ANK3: variants seen among roughly 807,000 people sequenced by gnomAD.
The protein encoded by ANK3 is ankyrin 3.
In ANK3, 57 loss-of-function variants were observed where a neutral mutation model predicts 370.9. That is an observed-to-expected ratio of 0.15 (90% CI 0.12 to 0.19). ANK3 has a LOEUF of 0.19. Ranked by LOEUF, ANK3 falls within the 10% of genes least tolerant of loss-of-function variation. The pLI, the probability that ANK3 is intolerant of heterozygous loss-of-function variation, is 1.00. For synonymous variants in ANK3, 1,929 were observed against 1,946.3 expected, an observed-to-expected ratio of 0.99 and a Z score of 0.23; for missense variants, 4,439 against 5,302.1, an observed-to-expected ratio of 0.84 and a Z score of 5.06.
chr10:60,372,983 G>A (rs2060306720), intron 1 of ANK3, among the ~76,000 whole-genome samples: 1 of 152,166 alleles, frequency 6.6e-6, no homozygotes, highest in Admixed American at 6.5e-5. Context: ...GGCATGATCA[G>A]TAGATTTTTT....
chr10:60,067,023 G>A lies in ANK3; in HGVS notation c.12319+912C>T, dbSNP rs776608951. 6.6e-5 allele frequency among the ~76,000 whole-genome samples: 10 copies of A among 152,164 alleles called. No individual in the cohort carries two copies. In the East Asian group the frequency reaches 1.4e-3, roughly 21 times the overall value. On this transcript the variant is annotated intron_variant, in intron 38 of 43. Coordinates refer to ENST00000280772, the MANE Select transcript of ANK3 (RefSeq NM_020987.5). The stretch of plus-strand genomic sequence containing the variant: ...CAGCCTCTGCCTCCCGGGTTCAAGC[G>A]ATTCTCCTGTCTCAGCCTCCCAAGT...
intron 1 of ANK3, among the ~76,000 whole-genome samples, chr10:60,325,370 G>T (rs187133031): frequency 3.9e-5 from 6 of 152,262 alleles, no homozygotes; most frequent in Non-Finnish European, 8.8e-5. Context: ...TGGCCAATGG[G>T]TGGTAGGTGG....
At chr10:60,718,512 G>A (rs1317116828) in intron 1 of ANK3, among the ~76,000 whole-genome samples, 1 of 151,704 alleles carries the variant, frequency 6.6e-6, no homozygotes, top group African/African-American at 2.4e-5. Flanking sequence ...TTAATTTTGG[G>A]CTTCAAACAT....
At chr10:60,250,345 G>A (rs1423542365) in intron 7 of ANK3, among the ~76,000 whole-genome samples, 1 of 152,176 alleles carries the variant, frequency 6.6e-6, no homozygotes, top group Admixed American at 6.5e-5. Context: ...CTTAGAAACT[G>A]TTAGAACATT....
intron 17 of ANK3, among the ~76,000 whole-genome samples, chr10:60,186,191 T>C (rs906679979): frequency 1.3e-5 from 2 of 152,118 alleles, no homozygotes; most frequent in African/African-American, 4.8e-5. Context: ...GAAGTAACAA[T>C]GGTGCTCTTT....
At chr10:60,713,831 A>G (rs2079743993) in intron 1 of ANK3, among the ~76,000 whole-genome samples, 1 of 152,152 alleles carries the variant, frequency 6.6e-6, no homozygotes, top group South Asian at 2.1e-4. Context: ...CAGAGGCTAC[A>G]GTGCAGCCTG....
chr10:60,538,325 T>C (rs963138457), intron 2 of ANK3, among the ~76,000 whole-genome samples: 3 of 151,900 alleles, frequency 2.0e-5, no homozygotes, highest in East Asian at 1.9e-4. Context: ...CTTTTCTGTA[T>C]AGTCAGGTGT....
At chr10:60,256,247 T>C (rs566019128) in intron 7 of ANK3, among the ~76,000 whole-genome samples, 1 of 152,366 alleles carries the variant, frequency 6.6e-6, no homozygotes, top group African/African-American at 2.4e-5. Context: ...ATTGGTAGTG[T>C]AGGGACTAAT....
At chr10:60,462,053 G>A (rs2064898420) in intron 2 of ANK3, among the ~76,000 whole-genome samples, 1 of 151,996 alleles carries the variant, frequency 6.6e-6, no homozygotes. Context: ...GAACAAAGAA[G>A]AGATTTACTA....
chr10:60,055,756 G>A lies in ANK3; in HGVS notation c.12967C>T (p.Pro4323Ser), dbSNP rs1376057816. 7.4e-6 allele frequency: 12 copies of A among 1,614,028 alleles called. No homozygotes were observed. In the Admixed American group the frequency reaches 1.3e-4, roughly 18 times the overall value. The change falls in exon 42 of 44, where the codon CCT becomes TCT. Residue 4323 changes from proline to serine, a missense_variant. By Grantham distance (74) the Pro-to-Ser change is moderately conservative (BLOSUM62 -1). Coordinates refer to ENST00000280772, the MANE Select transcript of ANK3 (RefSeq NM_020987.5). ...CTACTCATCTTTTTCATACTGACAG[G>A]CACACAGGGTTTAGTCTCTTCTATT... ...LIIEETKPCVPVSMKKMSRTS... is the reference protein window; with the variant it reads ...LIIEETKPCVSVSMKKMSRTS...
At chr10:60,176,368 C>CA (rs752384374) in intron 18 of ANK3, among the ~76,000 whole-genome samples, 63,925 of 102,100 alleles carry the variant, frequency 0.63, 18,428 homozygotes, top group Middle Eastern at 0.73. Context: ...CTCTGTCTCC[C>CA]AAAAAAAAAA....
intron 40 of ANK3, chr10:60,062,419 GATC>G (rs1200520010): frequency 6.6e-6 from 1 of 152,122 alleles, no homozygotes; most frequent in Non-Finnish European, 1.5e-5. Flanking sequence ...AAAATGACAA[GATC>G]ATTATATAAA....
At chr10:60,264,129 A>G (rs986511864) in intron 5 of ANK3, 109 bp from the exon 6 acceptor site, 1 of 933,272 alleles carries the variant, frequency 1.1e-6, no homozygotes, top group African/African-American at 1.7e-5. Flanking sequence ...TTTGTTTGGG[A>G]TTATTAAAAC....
chr10:60,684,376 G>C (rs1330071303), intron 1 of ANK3: 5 of 523,778 alleles, frequency 9.5e-6, no homozygotes, highest in Non-Finnish European at 1.6e-5. Context: ...CCCAGCGGCT[G>C]AGAGAGACGT....
chr10:60,036,622 G>C (rs1012705821), intron 43 of ANK3, among the ~76,000 whole-genome samples: 2 of 151,698 alleles, frequency 1.3e-5, no homozygotes, highest in Non-Finnish European at 2.9e-5. Context: ...ATTTTTACTA[G>C]AGACAGGGTT....
chr10:60,410,551 G>C (rs1207405207), intron 2 of ANK3, among the ~76,000 whole-genome samples: 1 of 152,170 alleles, frequency 6.6e-6, no homozygotes, highest in Non-Finnish European at 1.5e-5. Context: ...AGACTGGCTA[G>C]ATATTTTTCA....
At chr10:60,054,656 C>A (rs1271997265) in intron 42 of ANK3, among the ~76,000 whole-genome samples, 1 of 152,268 alleles carries the variant, frequency 6.6e-6, no homozygotes, top group East Asian at 1.9e-4. Context: ...AGCTCCTGAG[C>A]GATTGAGTTT....
chr10:60,233,047 T>A (rs1305149663), intron 8 of ANK3, among the ~76,000 whole-genome samples: 1 of 152,204 alleles, frequency 6.6e-6, no homozygotes, highest in East Asian at 1.9e-4. Context: ...CGTGAGACCA[T>A]CTTTTGATTA....
chr10:60,347,794 G>T (rs1282989992), intron 1 of ANK3, among the ~76,000 whole-genome samples: 4 of 152,066 alleles, frequency 2.6e-5, no homozygotes, highest in Non-Finnish European at 4.4e-5. Flanking sequence ...GACACTGATG[G>T]CTGGGACTCA....
Sources: gnomAD v4.1 joint callset for allele counts (sites outside exome capture counted in the v4.1 genomes callset) on GRCh38, gnomAD v4.1.1 for gene constraint, MANE v1.5 for transcripts, NCBI Gene and HGNC (gene_info 2026-07-23, HGNC 2026-07-21) for gene names.